Variants in PCDH7 observed in about 807,000 individuals in gnomAD.
The protein encoded by PCDH7 is protocadherin 7.
PCDH7 carries 17 observed loss-of-function variants against 58.9 expected under a neutral mutation model. The ratio of observed to expected loss-of-function variants is 0.29; its 90% CI spans 0.20 to 0.43. PCDH7 has a LOEUF of 0.43. Ranked by LOEUF, PCDH7 falls within the 20% of genes least tolerant of loss-of-function variation. PCDH7 has a pLI of 1.00. For missense variants in PCDH7, 1,274 were observed against 1,441.0 expected (o/e 0.88, Z 1.88); for synonymous variants, 664 against 616.4 (o/e 1.08, Z -1.14).
At chr4:30,813,334 A>G (rs4466008) in intron 1 of PCDH7, among the ~76,000 whole-genome samples, 96,731 of 152,078 alleles carry the variant, frequency 0.64, 32,980 homozygotes, top group African/African-American at 0.9. Flanking sequence ...TCCTTTTGGT[A>G]TGTTACTCAC....
chr4:30,833,464 G>T (rs576116144), intron 1 of PCDH7, among the ~76,000 whole-genome samples: 3 of 152,096 alleles, frequency 2.0e-5, no homozygotes, highest in South Asian at 4.2e-4. Flanking sequence ...ACATATAAGA[G>T]CCCTTGTGAT....
At chr4:30,905,896 A>G (rs1352523072) in intron 1 of PCDH7, among the ~76,000 whole-genome samples, 1 of 152,164 alleles carries the variant, frequency 6.6e-6, no homozygotes, top group Non-Finnish European at 1.5e-5. Flanking sequence ...AGCCTTTTAC[A>G]CACAGTAGGA....
chr4:30,827,825 A>G (rs142629752), intron 1 of PCDH7, among the ~76,000 whole-genome samples: 8 of 152,290 alleles, frequency 5.3e-5, no homozygotes, highest in Non-Finnish European at 1.2e-4. Flanking sequence ...ACTTATTGGA[A>G]GACATGTTTA....
chr4:31,095,901 TAC>T (rs935369967), intron 3 of PCDH7, among the ~76,000 whole-genome samples: 18 of 152,214 alleles, frequency 1.2e-4, no homozygotes, highest in African/African-American at 4.3e-4. Flanking sequence ...AATAAGGTCT[TAC>T]AAAAAGTTTA....
At chr4:31,143,015 C>T, downstream of PCDH7, 1 of 385,516 alleles carries the variant, frequency 2.6e-6, no homozygotes, top group Non-Finnish European at 4.8e-6. Flanking sequence ...TACTGTTAGC[C>T]TGATTCTACT....
intron 1 of PCDH7, among the ~76,000 whole-genome samples, chr4:30,766,381 T>A (rs186735866): frequency 6.6e-6 from 1 of 152,130 alleles, no homozygotes; most frequent in African/African-American, 2.4e-5. Flanking sequence ...TTTCTTTGAA[T>A]AAGACATACA....
At chr4:30,752,071 T>C (rs1030166610) in intron 1 of PCDH7, among the ~76,000 whole-genome samples, 26 of 152,184 alleles carry the variant, frequency 1.7e-4, no homozygotes, top group African/African-American at 6.0e-4. Flanking sequence ...AGGTAGTTCC[T>C]ATCTTTCCAC....
chr4:30,848,511 A>G (rs972991562), intron 1 of PCDH7, among the ~76,000 whole-genome samples: 1 of 152,126 alleles, frequency 6.6e-6, no homozygotes, highest in East Asian at 1.9e-4. Context: ...ATGAGGACAG[A>G]TGCAATGAGG....
intron 3 of PCDH7, among the ~76,000 whole-genome samples, chr4:31,100,760 G>C (rs1337753819): frequency 6.6e-6 from 1 of 152,162 alleles, no homozygotes; most frequent in Non-Finnish European, 1.5e-5. Context: ...ATGAGTCAGG[G>C]AAAGAGAACT....
intron 3 of PCDH7, among the ~76,000 whole-genome samples, chr4:31,141,691 T>C (rs1720273060): frequency 1.3e-5 from 2 of 152,166 alleles, no homozygotes; most frequent in Non-Finnish European, 2.9e-5. Context: ...TTAATTAGAG[T>C]ACAGGCTAGT....
At chr4:30,749,716 C>T (rs750651236) in intron 1 of PCDH7, among the ~76,000 whole-genome samples, 8 of 151,950 alleles carry the variant, frequency 5.3e-5, no homozygotes, top group Admixed American at 1.3e-4. Flanking sequence ...GTATTTTATC[C>T]GAAACCAGTG....
chr4:31,116,154 A>G (rs970999490), intron 3 of PCDH7, among the ~76,000 whole-genome samples: 6 of 152,148 alleles, frequency 3.9e-5, no homozygotes, highest in African/African-American at 1.4e-4. Flanking sequence ...CTGACACTAC[A>G]AGAGTCTGTT....
intron 3 of PCDH7, among the ~76,000 whole-genome samples, chr4:31,078,947 G>C (rs187496581): frequency 3.3e-5 from 5 of 151,992 alleles, no homozygotes; most frequent in African/African-American, 7.2e-5. Flanking sequence ...TATAGATGCT[G>C]TATCTGTGGA....
At chr4:30,791,442 G>T (rs1724109332) in intron 1 of PCDH7, among the ~76,000 whole-genome samples, 1 of 152,098 alleles carries the variant, frequency 6.6e-6, no homozygotes, top group Non-Finnish European at 1.5e-5. Context: ...GGTATAAGAA[G>T]AATTCAATAA....
At chr4:30,879,625 AC>A (rs1736712857) in intron 1 of PCDH7, among the ~76,000 whole-genome samples, 1 of 152,144 alleles carries the variant, frequency 6.6e-6, no homozygotes, top group East Asian at 1.9e-4. Context: ...CCTCACAGGG[AC>A]CCTGACCACT....
At position 31,134,500 on chromosome 4, in the gene PCDH7, T is replaced by C. The variant is rs144117191; in HGVS notation, c.*8-7973T>C. Among the ~76,000 whole-genome samples the C allele has an allele frequency of 3.7e-4, 56 of 152,264 alleles. No homozygotes were observed. In the East Asian group the frequency reaches 7.0e-3, roughly 19 times the overall value. Reference sequence around the variant, plus strand: ...ACAAACAAAAAAGAAGTAGAATGTATTGTTGTTAGATCCTGGGTTATTGCT... The same window carrying C: ...ACAAACAAAAAAGAAGTAGAATGTACTGTTGTTAGATCCTGGGTTATTGCT... On this transcript the variant is annotated intron_variant, in intron 3 of 3. Transcript: ENST00000509759.
intron 1 of PCDH7, among the ~76,000 whole-genome samples, chr4:30,743,760 A>G (rs1171065365): frequency 6.6e-6 from 1 of 151,982 alleles, no homozygotes; most frequent in East Asian, 1.9e-4. Context: ...ATACCTCAAC[A>G]AGCTCAAACT....
intron 3 of PCDH7, among the ~76,000 whole-genome samples, chr4:31,121,122 G>T (rs917543250): frequency 6.6e-6 from 1 of 152,114 alleles, no homozygotes; most frequent in Admixed American, 6.6e-5. Context: ...TTCACAGGTC[G>T]CTGTAAAGAT....
chr4:31,106,963 C>G (rs1031893548), intron 3 of PCDH7, among the ~76,000 whole-genome samples: 4 of 152,220 alleles, frequency 2.6e-5, no homozygotes, highest in African/African-American at 9.7e-5. Flanking sequence ...CTCTTAACTT[C>G]TCTATCCTAC....
Sources: allele counts gnomAD v4.1 joint callset (sites outside exome capture counted in the v4.1 genomes callset), GRCh38; gene constraint gnomAD v4.1.1; transcripts MANE v1.5; gene names NCBI Gene and HGNC (gene_info 2026-07-23, HGNC 2026-07-21).